Variants in EVI5 observed in about 807,000 individuals in gnomAD.
EVI5 encodes the protein ecotropic viral integration site 5.
In EVI5, 73 loss-of-function variants were observed where a neutral mutation model predicts 112.0. The observed-to-expected ratio is 0.65, with a 90% CI of 0.54 to 0.79. The LOEUF is 0.79. Ranked by LOEUF, EVI5 falls within the 30% of genes least tolerant of loss-of-function variation. EVI5 has a pLI of 0.00. For synonymous variants in EVI5, 305 were observed against 319.9 expected (o/e 0.95, Z 0.50); for missense variants, 900 against 968.8 (o/e 0.93, Z 0.94).
chr1:92,764,034 AT>A (rs1391334089), intron 1 of EVI5, among the ~76,000 whole-genome samples: 1 of 152,218 alleles, frequency 6.6e-6, no homozygotes, highest in Non-Finnish European at 1.5e-5. Context: ...TTAAAAAAAA[AT>A]CTAAATATAA....
At chr1:92,658,873 T>C (rs998737934) in intron 13 of EVI5, among the ~76,000 whole-genome samples, 4 of 152,030 alleles carry the variant, frequency 2.6e-5, no homozygotes, top group African/African-American at 9.7e-5. Flanking sequence ...GTACTGGTAT[T>C]AAAAACAGAC....
chr1:92,771,431 T>G (rs1384857376), intron 1 of EVI5, among the ~76,000 whole-genome samples: 2 of 151,982 alleles, frequency 1.3e-5, no homozygotes, highest in Non-Finnish European at 2.9e-5. Flanking sequence ...GTGTTCACTC[T>G]ATTGTCATAC....
At chr1:92,667,130 T>C (rs1285735326) in intron 10 of EVI5, among the ~76,000 whole-genome samples, 4 of 152,024 alleles carry the variant, frequency 2.6e-5, no homozygotes, top group South Asian at 2.1e-4. Context: ...ACAAAAAATA[T>C]AAAAATTAGC....
chr1:92,755,827 A>G, intron 1 of EVI5: 1 of 157,416 alleles, frequency 6.4e-6, no homozygotes, highest in African/African-American at 2.4e-5. Flanking sequence ...CTGGAGAAGC[A>G]GTGATGGCGA....
intron 2 of EVI5, among the ~76,000 whole-genome samples, chr1:92,735,692 T>TAC (rs1677268848): frequency 2.1e-5 from 3 of 141,238 alleles, no homozygotes; most frequent in African/African-American, 7.9e-5. Flanking sequence ...ATAACATATA[T>TAC]ATGATTGAAA....
chr1:92,573,863 C>A (rs1670653137), intron 18 of EVI5, among the ~76,000 whole-genome samples: 1 of 152,138 alleles, frequency 6.6e-6, no homozygotes, highest in South Asian at 2.1e-4. Flanking sequence ...TATATGACTT[C>A]CATCACTGAA....
At chr1:92,694,692 CT>C (rs993035253) in intron 7 of EVI5, among the ~76,000 whole-genome samples, 1 of 152,152 alleles carries the variant, frequency 6.6e-6, no homozygotes, top group African/African-American at 2.4e-5. Context: ...GCACAAAAAT[CT>C]GTCCATCTGA....
In EVI5 at chr1:92,772,924, A is replaced by AG. The variant is rs34354927; in HGVS notation, c.-82+11911dup. 2.8e-5 allele frequency among the ~76,000 whole-genome samples: 4 copies of AG among 144,490 alleles called. No individual in the cohort carries two copies. In the East Asian group the frequency reaches 8.4e-4, roughly 30 times the overall value. 94.8% of individuals were successfully genotyped at this position (144,490 alleles called of 152,430 possible). A position where few individuals can be genotyped will look rare whatever the true frequency, so the allele number is the denominator to read the frequency against. Reference sequence around the variant, plus strand: ...CCCATCTTAAAAAAAAAAAAAAAAAAGGGCCAGGCATGGTGGCTCACACTT... The same window carrying AG: ...CCCATCTTAAAAAAAAAAAAAAAAAAGGGGCCAGGCATGGTGGCTCACACTT... On this transcript the variant is annotated intron_variant, in intron 1 of 19. Coordinates refer to ENST00000684568, the MANE Select transcript of EVI5 (RefSeq NM_001350197.2).
At chr1:92,618,807 T>C (rs1215524314) in intron 16 of EVI5, among the ~76,000 whole-genome samples, 2 of 152,244 alleles carry the variant, frequency 1.3e-5, no homozygotes, top group African/African-American at 4.8e-5. Flanking sequence ...CCTCCTTCTT[T>C]TGTTAAAATC....
intron 9 of EVI5, among the ~76,000 whole-genome samples, chr1:92,680,282 T>C (rs1217857029): frequency 6.6e-6 from 1 of 152,190 alleles, no homozygotes; most frequent in Non-Finnish European, 1.5e-5. Context: ...AAGTTGAACC[T>C]GGAATATTTT....
At chr1:92,714,035 A>G (rs1022031309) in intron 2 of EVI5, 16 of 984,804 alleles carry the variant, frequency 1.6e-5, no homozygotes, top group Non-Finnish European at 1.8e-5. Flanking sequence ...TTGTGATTTT[A>G]AAATGAAAAA....
At chr1:92,567,330 CA>C (rs1669655674) in intron 18 of EVI5, among the ~76,000 whole-genome samples, 1 of 152,078 alleles carries the variant, frequency 6.6e-6, no homozygotes, top group African/African-American at 2.4e-5. Flanking sequence ...AATAAATTTA[CA>C]GTATAGATTA....
intron 19 of EVI5, among the ~76,000 whole-genome samples, chr1:92,540,245 C>T (rs1327255158): frequency 2.0e-5 from 3 of 152,164 alleles, no homozygotes; most frequent in African/African-American, 7.2e-5. Flanking sequence ...CTATGTTTAC[C>T]ATTTGAGGAC....
intron 1 of EVI5, among the ~76,000 whole-genome samples, chr1:92,745,656 A>C (rs1050854021): frequency 2.6e-5 from 4 of 152,080 alleles, no homozygotes; most frequent in African/African-American, 9.7e-5. Context: ...TCTACAAAAA[A>C]AATTAGCTGG....
At position 92,512,801 on chromosome 1, in the gene EVI5, AATAATTTT is replaced by A. The variant is rs1659266235; in HGVS notation, c.*847_*854del. The A allele has an allele frequency of 6.6e-6, 1 of 151,790 alleles. No homozygotes were observed. Among genetic ancestry groups the A allele is most frequent in the East Asian group, 1.9e-4 (1 of 5,198 alleles). 9.4% of individuals were successfully genotyped at this position (151,790 alleles called of 1,614,324 possible). A position where few individuals can be genotyped will look rare whatever the true frequency, so the allele number is the denominator to read the frequency against. On this transcript the variant is annotated 3_prime_UTR_variant, in exon 20 of 20. Transcript: ENST00000684568. ...GTGTGGGGACTTTCAGTGGCCCACC[AATAATTTT>A]CATGAAAAAATAAAAATAGAAAAAA... is the stretch of plus-strand genomic sequence containing the variant.
intron 18 of EVI5, among the ~76,000 whole-genome samples, chr1:92,602,148 T>A (rs1267010809): frequency 1.3e-5 from 2 of 152,168 alleles, no homozygotes; most frequent in Non-Finnish European, 2.9e-5. Flanking sequence ...GAAGTTATAA[T>A]ATAATATGTA....
chr1:92,620,675 C>A (rs1010599385), intron 16 of EVI5, among the ~76,000 whole-genome samples: 1 of 151,998 alleles, frequency 6.6e-6, no homozygotes, highest in African/African-American at 2.4e-5. Flanking sequence ...GCAAATATAT[C>A]TTTTAAAATT....
intron 1 of EVI5, among the ~76,000 whole-genome samples, chr1:92,768,336 T>G (rs963953916): frequency 2.6e-5 from 4 of 151,976 alleles, no homozygotes; most frequent in Non-Finnish European, 5.9e-5. Context: ...AAAAAAGCAT[T>G]TAGGACTGCA....
At chr1:92,584,133 G>GA (rs529514876) in intron 18 of EVI5, among the ~76,000 whole-genome samples, 43 of 152,080 alleles carry the variant, frequency 2.8e-4, no homozygotes, top group African/African-American at 9.4e-4. Flanking sequence ...ACCCACAGAT[G>GA]AAAAATCTAA....
Sources: allele counts gnomAD v4.1 joint callset (sites outside exome capture counted in the v4.1 genomes callset), GRCh38; gene constraint gnomAD v4.1.1; transcripts MANE v1.5; gene names NCBI Gene and HGNC (gene_info 2026-07-23, HGNC 2026-07-21).